FNTB: variants seen among roughly 807,000 people sequenced by gnomAD.
FNTB encodes the protein farnesyltransferase, CAAX box, subunit beta, also known as protein farnesyltransferase subunit beta.
In FNTB, 27 loss-of-function variants were observed where a neutral mutation model predicts 59.4. The observed-to-expected ratio is 0.45, with a 90% CI of 0.34 to 0.63. The LOEUF is 0.63. Ranked by LOEUF, FNTB falls within the 20% of genes least tolerant of loss-of-function variation. The probability of loss-of-function intolerance (pLI) is 0.02; values close to 1 mark genes in which losing one functional copy is unlikely to be tolerated. For missense variants in FNTB, 449 were observed against 559.6 expected (o/e 0.80, Z 1.99); for synonymous variants, 230 against 220.7 (o/e 1.04, Z -0.37).
intron 9 of FNTB, among the ~76,000 whole-genome samples, chr14:65,048,721 G>T (rs945573936): frequency 2.0e-5 from 3 of 152,094 alleles, no homozygotes; most frequent in African/African-American, 7.2e-5. Flanking sequence ...CAGACATGGT[G>T]GCACATGCCT....
chr14:65,056,780 T>C (rs2062745867), intron 11 of FNTB, among the ~76,000 whole-genome samples: 1 of 152,230 alleles, frequency 6.6e-6, no homozygotes, highest in African/African-American at 2.4e-5. Flanking sequence ...AGCTTGTGAC[T>C]TGTCTTTTCA....
At chr14:64,993,287 A>C (rs1594982648) in intron 1 of FNTB, among the ~76,000 whole-genome samples, 1 of 152,208 alleles carries the variant, frequency 6.6e-6, no homozygotes, top group African/African-American at 2.4e-5. Flanking sequence ...ATGAATAAAC[A>C]AAATAAAAAG....
At chr14:65,002,847 AG>A (rs1008264317) in intron 1 of FNTB, among the ~76,000 whole-genome samples, 2 of 152,162 alleles carry the variant, frequency 1.3e-5, no homozygotes, top group African/African-American at 4.8e-5. Context: ...CTGTATTCTC[AG>A]GCAGATCCTG....
chr14:65,019,404 T>G (rs190582120), intron 4 of FNTB, among the ~76,000 whole-genome samples: 1 of 151,892 alleles, frequency 6.6e-6, no homozygotes, highest in Non-Finnish European at 1.5e-5. Context: ...GGAGAATTGC[T>G]TGAATCCGGG....
At chr14:64,988,257 A>G (rs1322152235) in intron 1 of FNTB, among the ~76,000 whole-genome samples, 1 of 152,190 alleles carries the variant, frequency 6.6e-6, no homozygotes, top group African/African-American at 2.4e-5. Context: ...TCTCGAATCT[A>G]GCTAATTCTC....
intron 4 of FNTB, among the ~76,000 whole-genome samples, chr14:65,025,174 T>C (rs934508670): frequency 8.6e-5 from 13 of 151,938 alleles, no homozygotes; most frequent in Non-Finnish European, 7.4e-5. Context: ...CTGAGGGAGG[T>C]TGGCATGGAG....
intron 8 of FNTB, among the ~76,000 whole-genome samples, chr14:65,041,401 G>A (rs2062349774): frequency 6.6e-6 from 1 of 152,122 alleles, no homozygotes. Flanking sequence ...TGGACCCCAC[G>A]CTCCTGGCCA....
intron 1 of FNTB, among the ~76,000 whole-genome samples, chr14:64,988,991 TGAG>T (rs1888069610): frequency 6.6e-6 from 1 of 152,252 alleles, no homozygotes; most frequent in Middle Eastern, 3.4e-3. Context: ...TTTTTATGGA[TGAG>T]AAGACTGAGG....
chr14:65,014,978 T>C lies in FNTB; in HGVS notation c.283-647T>C, dbSNP rs2061742860. 6.6e-6 allele frequency among the ~76,000 whole-genome samples: 1 copy of C among 152,044 alleles called. No individual in the cohort carries two copies. Among genetic ancestry groups the C allele is most frequent in the Non-Finnish European group, 1.5e-5 (1 of 67,964 alleles). On this transcript the variant is annotated intron_variant, in intron 3 of 11. Transcript: ENST00000246166. This position sits in a 1 kb window ranked among gnomAD's most constrained non-coding sequence, Gnocchi z 5.1. ...TCTCCTTGGTTCTATACCGAGAAAA[T>C]AGCAGCCCCTAACCTCCTGGCCTGT...
intron 1 of FNTB, among the ~76,000 whole-genome samples, chr14:64,988,655 C>T (rs1888055886): frequency 6.6e-6 from 1 of 152,118 alleles, no homozygotes. Context: ...TGGTTTTGAA[C>T]TCCTGACCTC....
chr14:65,057,514 G>A (rs1246760126), intron 11 of FNTB, among the ~76,000 whole-genome samples: 4 of 152,166 alleles, frequency 2.6e-5, no homozygotes, highest in Admixed American at 6.5e-5. Flanking sequence ...GTTTTTGGGG[G>A]AGGGTAGGTG....
chr14:65,034,232 C>G (rs2062144753), intron 7 of FNTB, among the ~76,000 whole-genome samples: 1 of 152,218 alleles, frequency 6.6e-6, no homozygotes, highest in South Asian at 2.1e-4. Flanking sequence ...ACAGATTGCT[C>G]TCAGCTTGCT....
rs1041075131 is a variant in FNTB at position 65,061,631 on chromosome 14, G to A, written c.*319G>A. The A allele has an allele frequency of 1.2e-5, 3 of 259,288 alleles. No individual in the cohort carries two copies. Among genetic ancestry groups the A allele is most frequent in the Non-Finnish European group, 1.5e-5 (2 of 129,274 alleles). 16.1% of individuals were successfully genotyped at this position (259,288 alleles called of 1,614,324 possible). A position where few individuals can be genotyped will look rare whatever the true frequency, so the allele number is the denominator to read the frequency against. The stretch of plus-strand genomic sequence containing the variant: ...CAGGACGATCACACAGAGATGAATG[G>A]CATCTGAGTATTACGGCATCCAGAG... On this transcript the variant is annotated 3_prime_UTR_variant, in exon 12 of 12. Transcript: ENST00000246166.
intron 4 of FNTB, among the ~76,000 whole-genome samples, chr14:65,017,671 A>G (rs2061803470): frequency 6.6e-6 from 1 of 152,168 alleles, no homozygotes; most frequent in Non-Finnish European, 1.5e-5. Context: ...TTTTAAATGT[A>G]AAGCTGGGTG....
intron 9 of FNTB, among the ~76,000 whole-genome samples, chr14:65,051,816 A>G (rs2062619068): frequency 7.0e-6 from 1 of 143,652 alleles, no homozygotes; most frequent in Non-Finnish European, 1.5e-5. Flanking sequence ...TTTTTTTGAG[A>G]TGGAGTCTCG....
chr14:65,045,329 A>G lies in FNTB; in HGVS notation c.955+886A>G, dbSNP rs111933867. Among the ~76,000 whole-genome samples the G allele has an allele frequency of 4.3e-3, 650 of 152,070 alleles. 9 individuals are homozygous for G. The highest frequency in any genetic ancestry group is 0.04 in the East Asian group (206 of 5,150). On this transcript the variant is annotated intron_variant, in intron 9 of 11. Coordinates refer to ENST00000246166, the MANE Select transcript of FNTB (RefSeq NM_002028.4). Reference sequence around the variant, plus strand: ...TCTTCGGACTTAGTTGGATAATGTAACTGCTCAAATGTAAAAGATGAGATT... The same window carrying G: ...TCTTCGGACTTAGTTGGATAATGTAGCTGCTCAAATGTAAAAGATGAGATT...
chr14:65,057,943 T>G (rs1168937111), intron 11 of FNTB, among the ~76,000 whole-genome samples: 1 of 152,200 alleles, frequency 6.6e-6, no homozygotes, highest in Non-Finnish European at 1.5e-5. Context: ...TAAGCAAGTC[T>G]GAAAACAGGT....
At chr14:65,048,225 C>T (rs2062528492) in intron 9 of FNTB, among the ~76,000 whole-genome samples, 2 of 151,580 alleles carry the variant, frequency 1.3e-5, no homozygotes, top group East Asian at 3.9e-4. Context: ...TCAAGTGATC[C>T]ACCTTCCTTG....
intron 9 of FNTB, among the ~76,000 whole-genome samples, chr14:65,046,948 A>G (rs1273958840): frequency 2.6e-5 from 4 of 152,226 alleles, no homozygotes; most frequent in Non-Finnish European, 1.5e-5. Context: ...GGGAAATTCT[A>G]CAAACAAAAC....
Sources: gnomAD v4.1 joint callset for allele counts (sites outside exome capture counted in the v4.1 genomes callset) on GRCh38, gnomAD v4.1.1 for gene constraint, Gnocchi (gnomAD v3.1) non-coding constraint, MANE v1.5 for transcripts, NCBI Gene and HGNC (gene_info 2026-07-23, HGNC 2026-07-21) for gene names.